The following SLC4A8 variants were observed in gnomAD, a reference collection of about 807,000 sequenced individuals.
The protein encoded by SLC4A8 is solute carrier family 4 member 8, also known as electroneutral sodium bicarbonate exchanger 1.
Under a neutral mutation model 125.0 loss-of-function variants are expected in SLC4A8, and 40 were observed. The ratio of observed to expected loss-of-function variants is 0.32; its 90% CI spans 0.25 to 0.42. The LOEUF (loss-of-function observed/expected upper bound fraction) is 0.42, where lower values mean the gene tolerates loss of function less well. SLC4A8 is among the 10% of genes least tolerant of loss of function. The pLI is 1.00. For synonymous variants in SLC4A8, 456 were observed against 476.0 expected, an observed-to-expected ratio of 0.96 and a Z score of 0.55; for missense variants, 863 against 1,355.1, an observed-to-expected ratio of 0.64 and a Z score of 5.70.
rs375471746 is a variant in SLC4A8, at chr12:51,397,975, G to T, written c.-112+6487G>T. 1.1e-4 allele frequency among the ~76,000 whole-genome samples: 17 copies of T among 152,164 alleles called. No individual in the cohort carries two copies. In the East Asian group the frequency reaches 1.9e-3, roughly 17 times the overall value. ...CCCAGCTACTCGGGAGGAGGCTGAG[G>T]TGAGACCCAGGAGGTCTCAAACTCC... On this transcript the variant is annotated intron_variant, in intron 1 of 24. Coordinates refer to the SLC4A8 transcript ENST00000358657.
intron 1 of SLC4A8, among the ~76,000 whole-genome samples, chr12:51,427,611 G>T (rs1222216541): frequency 6.6e-6 from 1 of 152,112 alleles, no homozygotes; most frequent in Non-Finnish European, 1.5e-5. Flanking sequence ...GGGATGACTT[G>T]GGGGAGAGAC....
chr12:51,468,400 T>C (rs1296335201), intron 11 of SLC4A8, among the ~76,000 whole-genome samples: 3 of 152,258 alleles, frequency 2.0e-5, no homozygotes, highest in Non-Finnish European at 4.4e-5. Context: ...TGTTTGATTA[T>C]GTCACTCTTC....
chr12:51,483,483 T>A (rs1951083069), intron 16 of SLC4A8, among the ~76,000 whole-genome samples: 1 of 151,416 alleles, frequency 6.6e-6, no homozygotes, highest in Admixed American at 6.6e-5. Flanking sequence ...TTTTTTTTTT[T>A]AAGTCAGTAG....
intron 16 of SLC4A8, among the ~76,000 whole-genome samples, chr12:51,478,769 T>C (rs759628423): frequency 1.6e-4 from 24 of 152,140 alleles, no homozygotes; most frequent in African/African-American, 3.4e-4. Flanking sequence ...AGCACAAACA[T>C]TGGATTAGGA....
At chr12:51,493,575 A>T (rs1054207831) in intron 19 of SLC4A8, 129 bp from the exon 20 acceptor site, 1 of 657,844 alleles carries the variant, frequency 1.5e-6, no homozygotes, top group Non-Finnish European at 2.8e-6. Context: ...GGCAGCAGAA[A>T]CTAATGCAAT....
upstream of SLC4A8, among the ~76,000 whole-genome samples, chr12:51,420,601 G>A (rs1948768551): frequency 6.6e-6 from 1 of 152,172 alleles, no homozygotes. Context: ...AGAATCCACA[G>A]ATTTTATAAT....
Position 51,469,609 on chromosome 12 carries a change from C to T in SLC4A8, c.1350-5C>T, listed in dbSNP as rs1367573368. On this transcript the variant is annotated splice_polypyrimidine_tract_variant and splice_region_variant and intron_variant, in intron 11 of 24. Transcript: ENST00000453097. ...GTTAGAAGCCTGTCTGTTGTGTTTCCACAGGCTATTTGGGGGCTTGGTGCT... is the reference window on the plus strand; with the variant it reads ...GTTAGAAGCCTGTCTGTTGTGTTTCTACAGGCTATTTGGGGGCTTGGTGCT... 1 of 1,612,336 alleles carries T rather than the reference C, an allele frequency of 6.2e-7. No individual in the cohort carries two copies. The highest frequency in any genetic ancestry group is 8.5e-7 in the Non-Finnish European group (1 of 1,179,420).
intron 16 of SLC4A8, among the ~76,000 whole-genome samples, chr12:51,479,159 A>G (rs868106542): frequency 2.0e-5 from 3 of 152,208 alleles, no homozygotes; most frequent in Non-Finnish European, 4.4e-5. Context: ...ATACTCTACT[A>G]AAGTGTGCCT....
At chr12:51,440,667 G>A in intron 1 of SLC4A8, 41 bp from the exon 2 acceptor site, 1 of 1,472,270 alleles carries the variant, frequency 6.8e-7, no homozygotes, top group Non-Finnish European at 9.4e-7. Flanking sequence ...ATTTGAACGA[G>A]GTATGTGTAT....
intron 1 of SLC4A8, 93 bp downstream of exon 1, chr12:51,425,128 G>C (rs1482170536): frequency 2.2e-5 from 32 of 1,479,166 alleles, no homozygotes; most frequent in East Asian, 2.5e-5. Flanking sequence ...CCGAGCCCAG[G>C]CTTCCCAGGC....
intron 1 of SLC4A8, among the ~76,000 whole-genome samples, chr12:51,395,573 G>T (rs532837511): frequency 6.6e-6 from 1 of 152,304 alleles, no homozygotes; most frequent in African/African-American, 2.4e-5. Flanking sequence ...CTGGTGAGGG[G>T]ATACCCACCT....
At chr12:51,453,089 A>G (rs1004310718) in intron 4 of SLC4A8, among the ~76,000 whole-genome samples, 1 of 152,248 alleles carries the variant, frequency 6.6e-6, no homozygotes, top group Non-Finnish European at 1.5e-5. Flanking sequence ...GTCACACAGG[A>G]CAATGATAAA....
At chr12:51,476,026 G>T (rs939839770) in intron 16 of SLC4A8, among the ~76,000 whole-genome samples, 1 of 152,102 alleles carries the variant, frequency 6.6e-6, no homozygotes, top group African/African-American at 2.4e-5. Context: ...GCCACAGAAG[G>T]GCCCCCTGAA....
intron 11 of SLC4A8, chr12:51,469,183 G>T (rs1377639441): frequency 1.9e-5 from 3 of 154,812 alleles, no homozygotes; most frequent in Non-Finnish European, 2.9e-5. Flanking sequence ...ACAAGTAAGG[G>T]GGGTAGTTGT....
At chr12:51,430,494 C>T (rs897476049) in intron 1 of SLC4A8, among the ~76,000 whole-genome samples, 2 of 152,154 alleles carry the variant, frequency 1.3e-5, no homozygotes, top group Non-Finnish European at 2.9e-5. Flanking sequence ...CCTCCACCCT[C>T]TCCTCACACA....
chr12:51,425,648 A>T (rs1001899895), intron 1 of SLC4A8, among the ~76,000 whole-genome samples: 5 of 152,172 alleles, frequency 3.3e-5, no homozygotes, highest in Non-Finnish European at 5.9e-5. Context: ...TAAGGGAATT[A>T]AAAAACCAAG....
At chr12:51,463,026 AT>A (rs1362002165) in intron 10 of SLC4A8, 1 of 153,064 alleles carries the variant, frequency 6.5e-6, no homozygotes, top group East Asian at 1.9e-4. Flanking sequence ...AAGGGAGAAC[AT>A]TTCTTGTGAC....
At chr12:51,467,598 A>G (rs1228893576) in intron 11 of SLC4A8, among the ~76,000 whole-genome samples, 1 of 152,170 alleles carries the variant, frequency 6.6e-6, no homozygotes, top group Non-Finnish European at 1.5e-5. Context: ...GGAAAGAAAG[A>G]GCTTGCCAAG....
chr12:51,445,772 C>T (rs1426920943), intron 2 of SLC4A8, among the ~76,000 whole-genome samples: 2 of 152,092 alleles, frequency 1.3e-5, no homozygotes, highest in East Asian at 3.9e-4. Flanking sequence ...TACCCCTTAC[C>T]CTAGACACGC....
Sources: gnomAD v4.1 joint callset for allele counts (sites outside exome capture counted in the v4.1 genomes callset) on GRCh38, gnomAD v4.1.1 for gene constraint, MANE v1.5 for transcripts, NCBI Gene and HGNC (gene_info 2026-07-23, HGNC 2026-07-21) for gene names.